The following H2AC4 variants were observed in gnomAD, a reference collection of about 807,000 sequenced individuals.
H2AC4 encodes H2A clustered histone 4.
A neutral mutation model predicts 6.1 loss-of-function variants in H2AC4; 8 were observed. The observed-to-expected ratio is 1.31, with a 90% CI of 0.77 to 2.36. H2AC4 has a LOEUF of 2.36. H2AC4 is among the 30% of genes most tolerant of loss of function. H2AC4 has a pLI of 0.00. For synonymous variants in H2AC4, 129 were observed against 78.4 expected, an observed-to-expected ratio of 1.64 and a Z score of -3.41; for missense variants, 260 against 180.4, an observed-to-expected ratio of 1.44 and a Z score of -2.53.
At position 26,033,163 on chromosome 6, in the gene H2AC4, A is replaced by G. The variant is rs1761496944; in HGVS notation, c.*13T>C. The G allele has an allele frequency of 6.2e-7, 1 of 1,613,390 alleles. No individual in the cohort carries two copies. Among genetic ancestry groups the G allele is most frequent in the Non-Finnish European group, 8.5e-7 (1 of 1,179,866 alleles). ...GCTGACAGAAAAACAGCAGTGCATG[A>G]AGCGTTAACTCTTCACTTTCCCTTG... On this transcript the variant is annotated 3_prime_UTR_variant, in exon 1 of 1. Coordinates refer to ENST00000615868, the MANE Select transcript of H2AC4 (RefSeq NM_003513.3).
Position 26,033,482 on chromosome 6 carries a change from G to T in H2AC4, c.87C>A (p.Gly29=). The change falls in exon 1 of 1, where the codon GGC becomes GGA. Residue 29 remains glycine (G), a synonymous_variant. Transcript: ENST00000615868. The part of the protein sequence containing the change: ...SSRAGLQFPV[G]RVHRLLRKGN... ...CTTTGCGGAGCAGGCGGTGCACTCG[G>T]CCCACAGGAAACTGCAAACCTGCAC... 6.2e-7 allele frequency: 1 copy of T among 1,614,180 alleles called. No individual in the cohort carries two copies. Among genetic ancestry groups the T allele is most frequent in the Non-Finnish European group, 8.5e-7 (1 of 1,180,038 alleles).
rs753038811 is a variant in H2AC4, at chr6:26,033,417, T to G, written c.152A>C (p.Tyr51Ser). ...SERVGAGAPVYLAAVLEYLTA... is the reference protein window; with the variant it reads ...SERVGAGAPVSLAAVLEYLTA... Reference sequence around the variant, plus strand: ...CAGGTACTCAAGCACCGCCGCGAGATACACCGGCGCGCCAGCCCCGACGCG... The same window carrying G: ...CAGGTACTCAAGCACCGCCGCGAGAGACACCGGCGCGCCAGCCCCGACGCG... The change falls in exon 1 of 1, where the codon TAT becomes TCT. Residue 51 changes from tyrosine to serine, a missense_variant. Transcript: ENST00000615868. 3.1e-6 allele frequency: 5 copies of G among 1,613,872 alleles called. No homozygotes were observed. The South Asian group carries it at 5.5e-5, about 18-fold the overall frequency.
Position 26,033,451 on chromosome 6 carries a change from A to G in H2AC4, c.118T>C (p.Tyr40His). 2 of 1,614,210 alleles carry G rather than the reference A, an allele frequency of 1.2e-6. No homozygotes were observed. Among genetic ancestry groups the G allele is most frequent in the South Asian group, 1.1e-5 (1 of 91,080 alleles). ...GCGCCAGCCCCGACGCGCTCGGAGT[A>G]GTTGCCTTTGCGGAGCAGGCGGTGC... ...RVHRLLRKGNYSERVGAGAPV... is the reference protein window; with the variant it reads ...RVHRLLRKGNHSERVGAGAPV... Residue 40 changes from tyrosine to histidine, a missense_variant, in exon 1 of 1, where the codon TAC becomes CAC. Coordinates refer to ENST00000615868, the MANE Select transcript of H2AC4 (RefSeq NM_003513.3).
rs1326710808 is a variant in H2AC4, at chr6:26,033,509, A to T, written c.60T>A (p.Ser20=). 1 of 1,614,224 alleles carries T rather than the reference A, an allele frequency of 6.2e-7. No individual in the cohort carries two copies. The highest frequency in any genetic ancestry group is 8.5e-7 in the Non-Finnish European group (1 of 1,180,032). Residue 20 remains serine, a synonymous_variant, in exon 1 of 1, where the codon TCT becomes TCA. Transcript: ENST00000615868. ...KARAKAKTRS[S]RAGLQFPVGR... is the part of the protein sequence containing the mutation. Reference sequence around the variant, plus strand: ...CCACAGGAAACTGCAAACCTGCACGAGAAGACCGAGTCTTAGCCTTGGCGC... The same window carrying T: ...CCACAGGAAACTGCAAACCTGCACGTGAAGACCGAGTCTTAGCCTTGGCGC...
chr6:26,033,406 C>T lies in H2AC4; in HGVS notation c.163G>A (p.Val55Met), dbSNP rs1181783331. The T allele has an allele frequency of 6.2e-7, 1 of 1,613,862 alleles. No individual in the cohort carries two copies. The highest frequency in any genetic ancestry group is 1.3e-5 in the African/African-American group (1 of 74,900). ...ATCTCGGCGGTCAGGTACTCAAGCA[C>T]CGCCGCGAGATACACCGGCGCGCCA... ...GAGAPVYLAA[V>M]LEYLTAEILE... Residue 55 changes from valine to methionine, a missense_variant, in exon 1 of 1, where the codon GTG becomes ATG. Coordinates refer to ENST00000615868, the MANE Select transcript of H2AC4 (RefSeq NM_003513.3).
rs577694754 is a variant in H2AC4 at position 26,033,478 on chromosome 6, C to T, written c.91G>A (p.Val31Met). 1.1e-5 allele frequency: 18 copies of T among 1,614,210 alleles called. No individual in the cohort carries two copies. In the South Asian group the frequency reaches 1.9e-4, roughly 17 times the overall value. Residue 31 changes from valine (V) to methionine (M), a missense_variant, in exon 1 of 1, where the codon GTG becomes ATG. Physicochemically the swap from Val to Met is conservative, Grantham distance 21. Transcript: ENST00000615868. ...TTGCCTTTGCGGAGCAGGCGGTGCA[C>T]TCGGCCCACAGGAAACTGCAAACCT... ...RAGLQFPVGR[V>M]HRLLRKGNYS...
Position 26,033,384 on chromosome 6 carries a change from T to C in H2AC4, c.185A>G (p.Glu62Gly). Residue 62 changes from glutamate to glycine, a missense_variant, in exon 1 of 1, where the codon GAG becomes GGG. By Grantham distance (98) the Glu-to-Gly change is moderately conservative. Transcript: ENST00000615868. ...LAAVLEYLTAEILELAGNAAR... is the reference protein window; with the variant it reads ...LAAVLEYLTAGILELAGNAAR... ...CGCATTGCCCGCCAGCTCCAGGATC[T>C]CGGCGGTCAGGTACTCAAGCACCGC... The C allele has an allele frequency of 1.9e-6, 3 of 1,614,006 alleles. No individual in the cohort carries two copies. Among genetic ancestry groups the C allele is most frequent in the Non-Finnish European group, 8.5e-7 (1 of 1,179,946 alleles).
Position 26,033,153 on chromosome 6 carries a change from G to A in H2AC4, c.*23C>T, listed in dbSNP as rs777775837. 1.2e-6 allele frequency: 2 copies of A among 1,608,212 alleles called. No homozygotes were observed. Among genetic ancestry groups the A allele is most frequent in the Non-Finnish European group, 1.7e-6 (2 of 1,178,620 alleles). On this transcript the variant is annotated 3_prime_UTR_variant, in exon 1 of 1. Transcript: ENST00000615868. ...GATTTTGTCTGCTGACAGAAAAACA[G>A]CAGTGCATGAAGCGTTAACTCTTCA...
rs778531979 is a variant in H2AC4, at chr6:26,033,425, C to T, written c.144G>A (p.Ala48=). Reference sequence around the variant, plus strand: ...CAAGCACCGCCGCGAGATACACCGGCGCGCCAGCCCCGACGCGCTCGGAGT... The same window carrying T: ...CAAGCACCGCCGCGAGATACACCGGTGCGCCAGCCCCGACGCGCTCGGAGT... ...GNYSERVGAG[A]PVYLAAVLEY... The change falls in exon 1 of 1, where the codon GCG becomes GCA. Residue 48 remains alanine (A), a synonymous_variant. Coordinates refer to ENST00000615868, the MANE Select transcript of H2AC4 (RefSeq NM_003513.3). The T allele has an allele frequency of 1.2e-6, 2 of 1,613,956 alleles. No homozygotes were observed. Among genetic ancestry groups the T allele is most frequent in the East Asian group, 4.5e-5 (2 of 44,880 alleles).
In H2AC4 at chr6:26,033,262, T is replaced by C; in HGVS notation, c.307A>G (p.Ile103Val). Residue 103 changes from isoleucine (I) to valine (V), a missense_variant, in exon 1 of 1, where the codon ATC becomes GTC. Transcript: ENST00000615868. ...TTAGGCAAAACGCCACCCTGCGCGA[T>C]GGTCACACGCCCCAAGAGTTTATTA... is the stretch of plus-strand genomic sequence containing the variant. ...ELNKLLGRVT[I>V]AQGGVLPNIQ... 6.2e-7 allele frequency: 1 copy of C among 1,614,154 alleles called. No individual in the cohort carries two copies. The highest frequency in any genetic ancestry group is 8.5e-7 in the Non-Finnish European group (1 of 1,180,016).
At position 26,033,594 on chromosome 6, in the gene H2AC4, C is replaced by T. The variant is rs186497374; in HGVS notation, c.-26G>A. ...AACTACTTCTGATAAGGGAAAATCG[C>T]CACAAGAAAATGTAATGAAACTACA... On this transcript the variant is annotated 5_prime_UTR_variant, in exon 1 of 1. Transcript: ENST00000615868. The T allele has an allele frequency of 5.0e-6, 8 of 1,605,464 alleles. No individual in the cohort carries two copies. Among genetic ancestry groups the T allele is most frequent in the Non-Finnish European group, 6.8e-6 (8 of 1,177,024 alleles).
chr6:26,033,147 A>C lies in H2AC4; in HGVS notation c.*29T>G, dbSNP rs752653377. The C allele has an allele frequency of 1.2e-6, 2 of 1,605,138 alleles. No homozygotes were observed. The highest frequency in any genetic ancestry group is 1.7e-6 in the Non-Finnish European group (2 of 1,177,758). On this transcript the variant is annotated 3_prime_UTR_variant, in exon 1 of 1. Transcript: ENST00000615868. ...TAGGCTGATTTTGTCTGCTGACAGAAAAACAGCAGTGCATGAAGCGTTAAC... is the reference window on the plus strand; with the variant it reads ...TAGGCTGATTTTGTCTGCTGACAGACAAACAGCAGTGCATGAAGCGTTAAC...
In H2AC4 at chr6:26,033,441, C is replaced by A; in HGVS notation, c.128G>T (p.Arg43Leu). 1 of 1,614,154 alleles carries A rather than the reference C, an allele frequency of 6.2e-7. No individual in the cohort carries two copies. The highest frequency in any genetic ancestry group is 8.5e-7 in the Non-Finnish European group (1 of 1,180,016). The change falls in exon 1 of 1, where the codon CGC becomes CTC. Residue 43 changes from arginine to leucine, a missense_variant. Coordinates refer to ENST00000615868, the MANE Select transcript of H2AC4 (RefSeq NM_003513.3). ...RLLRKGNYSE[R>L]VGAGAPVYLA... is the part of the protein sequence containing the mutation. ...ATACACCGGCGCGCCAGCCCCGACG[C>A]GCTCGGAGTAGTTGCCTTTGCGGAG...
chr6:26,033,577 C>T lies in H2AC4; in HGVS notation c.-9G>A, dbSNP rs771062588. The T allele has an allele frequency of 2.0e-6, 3 of 1,516,368 alleles. No individual in the cohort carries two copies. The highest frequency in any genetic ancestry group is 2.5e-5 in the African/African-American group (1 of 39,396). 93.9% of individuals were successfully genotyped at this position (1,516,368 alleles called of 1,614,324 possible). A position where few individuals can be genotyped will look rare whatever the true frequency, so the allele number is the denominator to read the frequency against. On this transcript the variant is annotated 5_prime_UTR_variant, in exon 1 of 1. Coordinates refer to ENST00000615868, the MANE Select transcript of H2AC4 (RefSeq NM_003513.3). ...TTGCCGCGACCAGACATAACTACTT[C>T]TGATAAGGGAAAATCGCCACAAGAA...
chr6:26,033,356 G>A lies in H2AC4; in HGVS notation c.213C>T (p.Ala71=), dbSNP rs531499669. 1.2e-6 allele frequency: 2 copies of A among 1,614,100 alleles called. No individual in the cohort carries two copies. The highest frequency in any genetic ancestry group is 1.1e-5 in the South Asian group (1 of 91,074). Residue 71 remains alanine, a synonymous_variant, in exon 1 of 1, where the codon GCC becomes GCT. Transcript: ENST00000615868. Reference sequence around the variant, plus strand: ...TGATGCGGGTCTTCTTGTTGTCGCGGGCCGCATTGCCCGCCAGCTCCAGGA... The same window carrying A: ...TGATGCGGGTCTTCTTGTTGTCGCGAGCCGCATTGCCCGCCAGCTCCAGGA... ...AEILELAGNA[A]RDNKKTRIIP... is the part of the protein sequence containing the mutation.
chr6:26,033,240 G>A lies in H2AC4; in HGVS notation c.329C>T (p.Pro110Leu). The change falls in exon 1 of 1, where the codon CCT (proline) becomes CTT (leucine). Residue 110 changes from proline (P) to leucine (L), a missense_variant. Physicochemically the swap from Pro to Leu is moderately conservative, Grantham distance 98. Transcript: ENST00000615868. ...AGGCAGCAGCACCGCCTGAATATTA[G>A]GCAAAACGCCACCCTGCGCGATGGT... The part of the protein sequence containing the change: ...RVTIAQGGVL[P>L]NIQAVLLPKK... The A allele has an allele frequency of 1.2e-6, 2 of 1,614,200 alleles. No individual in the cohort carries two copies. The highest frequency in any genetic ancestry group is 2.2e-5 in the South Asian group (2 of 91,076).
Position 26,033,610 on chromosome 6 carries a change from T to C in H2AC4, c.-42A>G. ...GGAAAATCGCCACAAGAAAATGTAA[T>C]GAAACTACATTAGAACGCAAGGCAG... is the stretch of plus-strand genomic sequence containing the variant. On this transcript the variant is annotated 5_prime_UTR_variant, in exon 1 of 1. Coordinates refer to ENST00000615868, the MANE Select transcript of H2AC4 (RefSeq NM_003513.3). 1.2e-6 allele frequency: 2 copies of C among 1,602,140 alleles called. No homozygotes were observed. Among genetic ancestry groups the C allele is most frequent in the Non-Finnish European group, 1.7e-6 (2 of 1,173,846 alleles).
In H2AC4 at chr6:26,033,380, G is replaced by T. The variant is rs145481087; in HGVS notation, c.189C>A (p.Ile63=). 4.5e-3 allele frequency: 7,192 copies of T among 1,614,038 alleles called. 81 individuals carry two copies. The highest frequency in any genetic ancestry group is 0.025 in the South Asian group (2,266 of 91,068). ...AAVLEYLTAE[I]LELAGNAARD... is the part of the protein sequence containing the mutation. Reference sequence around the variant, plus strand: ...GGGCCGCATTGCCCGCCAGCTCCAGGATCTCGGCGGTCAGGTACTCAAGCA... The same window carrying T: ...GGGCCGCATTGCCCGCCAGCTCCAGTATCTCGGCGGTCAGGTACTCAAGCA... Residue 63 remains isoleucine, a synonymous_variant, in exon 1 of 1, where the codon ATC becomes ATA. Transcript: ENST00000615868.
chr6:26,033,309 G>A lies in H2AC4; in HGVS notation c.260C>T (p.Ala87Val), dbSNP rs1289025049. 2.5e-6 allele frequency: 4 copies of A among 1,613,954 alleles called. No homozygotes were observed. The highest frequency in any genetic ancestry group is 1.7e-5 in the Admixed American group (1 of 59,986). ...TRIIPRHLQL[A>V]IRNDEELNKL... ...ATTAAGCTCCTCGTCATTGCGGATG[G>A]CCAATTGCAGGTGGCGCGGGATGAT... Residue 87 changes from alanine to valine, a missense_variant, in exon 1 of 1, where the codon GCC becomes GTC. Ala to Val is a moderately conservative substitution (Grantham distance 64). Coordinates refer to ENST00000615868, the MANE Select transcript of H2AC4 (RefSeq NM_003513.3).
Sources: gnomAD v4.1 joint callset for allele counts on GRCh38, gnomAD v4.1.1 for gene constraint, MANE v1.5 for transcripts, NCBI Gene and HGNC (gene_info 2026-07-23, HGNC 2026-07-21) for gene names.